Variants in AFG3L2 observed in about 807,000 individuals in gnomAD.
The protein encoded by AFG3L2 is mitochondrial inner membrane m-AAA protease component AFG3L2.
In AFG3L2, 54 loss-of-function variants were observed where a neutral mutation model predicts 94.5. That is an observed-to-expected ratio of 0.57 (90% CI 0.46 to 0.72). The LOEUF is 0.72. AFG3L2 is among the 30% of genes least tolerant of loss of function. The pLI, the probability that AFG3L2 is intolerant of heterozygous loss-of-function variation, is 0.00. For synonymous variants in AFG3L2, 377 were observed against 365.5 expected (o/e 1.03, Z -0.36); for missense variants, 754 against 994.9 (o/e 0.76, Z 3.26).
chr18:12,359,078 C>T, intron 7 of AFG3L2, 135 bp from the exon 8 acceptor site: 1 of 1,305,830 alleles, frequency 7.7e-7, no homozygotes, highest in South Asian at 1.3e-5. Flanking sequence ...AGGAGGGTAA[C>T]TTGCAAGTGT....
intron 5 of AFG3L2, among the ~76,000 whole-genome samples, chr18:12,364,888 T>G (rs1434030579): frequency 2.6e-5 from 4 of 151,974 alleles, no homozygotes; most frequent in African/African-American, 9.7e-5. Context: ...CAGGCTGGTC[T>G]CGAACTCCTA....
At chr18:12,363,384 G>C (rs544475472) in intron 6 of AFG3L2, among the ~76,000 whole-genome samples, 4 of 152,296 alleles carry the variant, frequency 2.6e-5, no homozygotes, top group South Asian at 4.1e-4. Context: ...GTTGGGAGAT[G>C]GTGGGGATGC....
chr18:12,333,044 TATTATATAATAGATTATAATC>T (rs1907610029), intron 16 of AFG3L2, among the ~76,000 whole-genome samples: 1 of 13,416 alleles, frequency 7.5e-5, no homozygotes, highest in African/African-American at 9.0e-5. Flanking sequence ...ATATATAATC[TATTATATAATAGATTATAATC>T]TATTATATAA....
Position 12,371,559 on chromosome 18 carries a change from T to C in AFG3L2, c.214+33A>G, listed in dbSNP as rs113097873. 9.9e-5 allele frequency: 157 copies of C among 1,582,780 alleles called. 1 individual carries two copies. The African/African-American group carries it at 1.5e-3, about 15-fold the overall frequency. Reference sequence around the variant, plus strand: ...GGAGACAAAAGACCCAACCTAAGAATGTAGAACACTACAGCCACACCTAAG... The same window carrying C: ...GGAGACAAAAGACCCAACCTAAGAACGTAGAACACTACAGCCACACCTAAG... On this transcript the variant is annotated intron_variant, in intron 2 of 16. Coordinates refer to ENST00000269143, the MANE Select transcript of AFG3L2 (RefSeq NM_006796.3).
chr18:12,350,307 A>G (rs891288295), intron 12 of AFG3L2, among the ~76,000 whole-genome samples: 4 of 152,190 alleles, frequency 2.6e-5, no homozygotes, highest in African/African-American at 9.7e-5. Context: ...CACCGTGCCC[A>G]GCCCAAAATG....
chr18:12,376,875 A>C (rs1909175296), intron 1 of AFG3L2, 94 bp downstream of exon 1: 1 of 979,980 alleles, frequency 1.0e-6, no homozygotes, highest in African/African-American at 1.7e-5. Flanking sequence ...GTGCGGCCGG[A>C]GGGCGGGGGC....
chr18:12,360,941 A>T (rs1481915818), intron 6 of AFG3L2, among the ~76,000 whole-genome samples: 2 of 152,234 alleles, frequency 1.3e-5, no homozygotes, highest in Non-Finnish European at 2.9e-5. Context: ...GGAGTTTACT[A>T]GCTAGAAGAC....
At chr18:12,335,440 T>C (rs182285507) in intron 16 of AFG3L2, among the ~76,000 whole-genome samples, 15 of 150,132 alleles carry the variant, frequency 1.0e-4, no homozygotes, top group Admixed American at 5.3e-4. Context: ...CCTCCCCTTT[T>C]CTCCCTTCCT....
chr18:12,362,496 T>C (rs761993992), intron 6 of AFG3L2, among the ~76,000 whole-genome samples: 7 of 152,144 alleles, frequency 4.6e-5, no homozygotes, highest in Non-Finnish European at 1.0e-4. Context: ...AAATACAATT[T>C]TGAAAAGAAA....
At chr18:12,371,254 C>T (rs900409430) in intron 2 of AFG3L2, among the ~76,000 whole-genome samples, 2 of 148,794 alleles carry the variant, frequency 1.3e-5, no homozygotes, top group Non-Finnish European at 3.0e-5. Flanking sequence ...GCGGAGGTTG[C>T]AGTACGCCAA....
intron 14 of AFG3L2, 140 bp from the exon 15 acceptor site, chr18:12,340,541 T>C (rs1907915476): frequency 2.7e-6 from 2 of 740,064 alleles, no homozygotes; most frequent in South Asian, 1.4e-5. Context: ...GGATGTGATC[T>C]AGCAGTGACT....
intron 6 of AFG3L2, 107 bp downstream of exon 6, chr18:12,363,675 T>A: frequency 1.2e-6 from 1 of 868,732 alleles, no homozygotes; most frequent in Non-Finnish European, 2.0e-6. Context: ...AGTTCTGATA[T>A]ATCTGGTGCG....
At chr18:12,367,957 C>T (rs1461682030) in intron 3 of AFG3L2, among the ~76,000 whole-genome samples, 2 of 152,050 alleles carry the variant, frequency 1.3e-5, no homozygotes, top group Non-Finnish European at 2.9e-5. Flanking sequence ...CACCTGAGGT[C>T]GGGAGTTTGA....
At chr18:12,366,929 G>T in intron 5 of AFG3L2, 36 bp downstream of exon 5, 2 of 1,612,316 alleles carry the variant, frequency 1.2e-6, no homozygotes, top group South Asian at 2.2e-5. Flanking sequence ...TTTCACCTTT[G>T]AACCACAACA....
Position 12,331,813 on chromosome 18 carries a change from ATATATATATATATAT to A in AFG3L2, c.2176-2045_2176-2031del, listed in dbSNP as rs1907538273. ...TGTCTAAAAGTAAATAAATAAATAT[ATATATATATATATAT>A]ATATATATATATATATATATATATA... On this transcript the variant is annotated intron_variant, in intron 16 of 16. Coordinates refer to ENST00000269143, the MANE Select transcript of AFG3L2 (RefSeq NM_006796.3). 4.0e-3 allele frequency among the ~76,000 whole-genome samples: 12 copies of A among 3,034 alleles called. 1 individual carries two copies. The highest frequency in any genetic ancestry group is 0.024 in the South Asian group (2 of 84). 2.0% of individuals were successfully genotyped at this position (3,034 alleles called of 152,430 possible).
chr18:12,372,915 G>A (rs566932737), intron 1 of AFG3L2, among the ~76,000 whole-genome samples: 1 of 152,178 alleles, frequency 6.6e-6, no homozygotes, highest in Admixed American at 6.5e-5. Flanking sequence ...ACTAATGGTC[G>A]CAGGGCTTCT....
rs1444464992 is a variant in AFG3L2, at chr18:12,348,396, C to T, written c.1553-13G>A. The stretch of plus-strand genomic sequence containing the variant: ...GCAACATCAGCACCTAAAAAATGAA[C>T]ACAGAACAGCTTACCCACCGAAATA... On this transcript the variant is annotated splice_polypyrimidine_tract_variant and intron_variant, in intron 12 of 16. Transcript: ENST00000269143. The T allele has an allele frequency of 2.5e-6, 4 of 1,608,556 alleles. No homozygotes were observed. The East Asian group carries it at 8.9e-5, about 36-fold the overall frequency.
chr18:12,337,452 A>G lies in AFG3L2; in HGVS notation c.2064T>C (p.Pro688=). The G allele has an allele frequency of 6.2e-7, 1 of 1,614,240 alleles. No homozygotes were observed. The highest frequency in any genetic ancestry group is 2.2e-5 in the East Asian group (1 of 44,890). The change falls in exon 16 of 17, where the codon CCT becomes CCC. Residue 688 remains proline, a synonymous_variant. Transcript: ENST00000269143. ...TCAATCTTGCAGTGGCTTCACTGTA[A>G]GGTTTCTCCAATACCATGTCCCCCT... ...PRQGDMVLEK[P]YSEATARLID... is the part of the protein sequence containing the mutation.
At position 12,358,958 on chromosome 18, in the gene AFG3L2, C is replaced by T. The variant is rs377707885; in HGVS notation, c.753-15G>A. ...GCAGAAAAGAGCTGGGGACACACAG[C>T]GCAACACGGGTTAGGACTGGCTGCT... On this transcript the variant is annotated splice_polypyrimidine_tract_variant and intron_variant, in intron 7 of 16. Coordinates refer to ENST00000269143, the MANE Select transcript of AFG3L2 (RefSeq NM_006796.3). 26 of 1,605,264 alleles carry T rather than the reference C, an allele frequency of 1.6e-5. No homozygotes were observed. The African/African-American group carries it at 2.8e-4, about 17-fold the overall frequency.
Sources: allele counts gnomAD v4.1 joint callset (sites outside exome capture counted in the v4.1 genomes callset), GRCh38; gene constraint gnomAD v4.1.1; transcripts MANE v1.5; gene names NCBI Gene and HGNC (gene_info 2026-07-23, HGNC 2026-07-21).